Variants in EYA2 observed in about 807,000 individuals in gnomAD.
EYA2 encodes protein phosphatase EYA2.
In EYA2, 31 loss-of-function variants were observed where a neutral mutation model predicts 69.2. The observed-to-expected ratio is 0.45, with a 90% CI of 0.34 to 0.60. The LOEUF is 0.60. EYA2 is among the 20% of genes least tolerant of loss of function. The pLI is 0.02. For missense variants in EYA2, 622 were observed against 701.2 expected, an observed-to-expected ratio of 0.89 and a Z score of 1.28; for synonymous variants, 257 against 279.4, an observed-to-expected ratio of 0.92 and a Z score of 0.80.
chr20:47,137,713 A>G (rs1244196103), intron 9 of EYA2, among the ~76,000 whole-genome samples: 1 of 152,208 alleles, frequency 6.6e-6, no homozygotes, highest in African/African-American at 2.4e-5. Flanking sequence ...TTTCACATAA[A>G]TTAATACTGA....
intron 5 of EYA2, among the ~76,000 whole-genome samples, chr20:47,050,272 C>T (rs1280540284): frequency 6.6e-6 from 1 of 152,204 alleles, no homozygotes; most frequent in African/African-American, 2.4e-5. Context: ...GGTTTAAATG[C>T]TTTCTGTATG....
chr20:46,954,819 C>T (rs1036954289), intron 1 of EYA2, among the ~76,000 whole-genome samples: 8 of 151,600 alleles, frequency 5.3e-5, no homozygotes, highest in Non-Finnish European at 1.0e-4. Flanking sequence ...TCAGTTCTTA[C>T]TACGAGGCAT....
intron 9 of EYA2, among the ~76,000 whole-genome samples, chr20:47,113,028 C>A (rs2032792746): frequency 6.6e-6 from 1 of 151,818 alleles, no homozygotes; most frequent in African/African-American, 2.4e-5. Context: ...TGCACCACCA[C>A]GCCCGGCTAA....
intron 10 of EYA2, among the ~76,000 whole-genome samples, chr20:47,168,899 G>A (rs1422735482): frequency 3.3e-5 from 5 of 152,048 alleles, no homozygotes; most frequent in Non-Finnish European, 5.9e-5. Flanking sequence ...GTATCTGTAT[G>A]GTCACTTTCC....
At chr20:47,089,439 C>A in intron 8 of EYA2, 58 bp downstream of exon 8, 1 of 1,549,444 alleles carries the variant, frequency 6.5e-7, no homozygotes, top group Non-Finnish European at 8.8e-7. Flanking sequence ...GAGGCCCAAA[C>A]AAGAGTGGGG....
intron 5 of EYA2, among the ~76,000 whole-genome samples, chr20:47,038,184 G>T (rs964904158): frequency 2.6e-5 from 4 of 152,164 alleles, no homozygotes; most frequent in Non-Finnish European, 5.9e-5. Context: ...ATTTTAGGTA[G>T]GGGTGGGGCG....
chr20:47,050,109 G>A (rs1352075869), intron 5 of EYA2, among the ~76,000 whole-genome samples: 1 of 152,106 alleles, frequency 6.6e-6, no homozygotes, highest in Non-Finnish European at 1.5e-5. Context: ...CATCATGCTC[G>A]AGTGCCTCGT....
At chr20:47,018,628 A>C (rs905189772) in intron 5 of EYA2, among the ~76,000 whole-genome samples, 1 of 152,188 alleles carries the variant, frequency 6.6e-6, no homozygotes, top group African/African-American at 2.4e-5. Context: ...GGAACGCAAG[A>C]GCAAAGGCCC....
At chr20:46,910,752 G>A (rs528862161) in intron 1 of EYA2, among the ~76,000 whole-genome samples, 1 of 152,308 alleles carries the variant, frequency 6.6e-6, no homozygotes, top group South Asian at 2.1e-4. Context: ...GTTGCACACT[G>A]GCAATCAAGA....
At chr20:47,078,617 A>T (rs2031612371) in intron 7 of EYA2, among the ~76,000 whole-genome samples, 1 of 152,258 alleles carries the variant, frequency 6.6e-6, no homozygotes, top group South Asian at 2.1e-4. Context: ...CAATTTGCAG[A>T]TGATTACAGG....
chr20:46,928,084 C>T (rs1267133683), intron 1 of EYA2, among the ~76,000 whole-genome samples: 2 of 152,188 alleles, frequency 1.3e-5, no homozygotes, highest in Non-Finnish European at 2.9e-5. Flanking sequence ...TAATTATTCT[C>T]ACTTTACAAG....
At chr20:47,076,461 ATAT>A (rs1313364285) in intron 7 of EYA2, among the ~76,000 whole-genome samples, 1 of 152,050 alleles carries the variant, frequency 6.6e-6, no homozygotes, top group Non-Finnish European at 1.5e-5. Flanking sequence ...ATGACCAGTG[ATAT>A]TATTTTTTCA....
chr20:47,161,079 G>A (rs546228037), intron 10 of EYA2: 9 of 306,598 alleles, frequency 2.9e-5, no homozygotes, highest in Admixed American at 1.5e-4. Flanking sequence ...ATAGATACCC[G>A]CCATCAGCAG....
intron 9 of EYA2, among the ~76,000 whole-genome samples, chr20:47,118,279 C>T (rs1032609386): frequency 6.6e-6 from 1 of 152,170 alleles, no homozygotes; most frequent in Admixed American, 6.5e-5. Flanking sequence ...GGTGTTTAGT[C>T]TTTGTGGCTA....
At chr20:47,052,865 C>T (rs1437342743) in intron 5 of EYA2, among the ~76,000 whole-genome samples, 1 of 152,182 alleles carries the variant, frequency 6.6e-6, no homozygotes, top group Non-Finnish European at 1.5e-5. Context: ...CTCAAGCAAT[C>T]CTCCTGTCTC....
At chr20:46,943,254 C>T (rs1986231444) in intron 1 of EYA2, among the ~76,000 whole-genome samples, 1 of 152,192 alleles carries the variant, frequency 6.6e-6, no homozygotes, top group Non-Finnish European at 1.5e-5. Context: ...CATCCCCCAC[C>T]CCGCCCCCAG....
intron 1 of EYA2, among the ~76,000 whole-genome samples, chr20:46,942,209 T>A (rs1262512496): frequency 6.6e-6 from 1 of 151,754 alleles, no homozygotes; most frequent in Admixed American, 6.6e-5. Context: ...TTTATTTTAT[T>A]TTTTACTTTT....
chr20:47,132,444 G>A (rs1189270250), intron 9 of EYA2, among the ~76,000 whole-genome samples: 1 of 152,200 alleles, frequency 6.6e-6, no homozygotes, highest in East Asian at 1.9e-4. Context: ...GAATGCTGCT[G>A]CTTTTTGTTA....
chr20:47,113,138 G>T (rs548264396), intron 9 of EYA2, among the ~76,000 whole-genome samples: 43 of 152,154 alleles, frequency 2.8e-4, no homozygotes, highest in Non-Finnish European at 4.7e-4. Flanking sequence ...CTCCCCAAGT[G>T]CTGGGATTAC....
Sources: gnomAD v4.1 joint callset for allele counts (sites outside exome capture counted in the v4.1 genomes callset) on GRCh38, gnomAD v4.1.1 for gene constraint, MANE v1.5 for transcripts, NCBI Gene and HGNC (gene_info 2026-07-23, HGNC 2026-07-21) for gene names.